ZC3H12B: variants seen among roughly 807,000 people sequenced by gnomAD.
The protein encoded by ZC3H12B is probable ribonuclease ZC3H12B.
In ZC3H12B, 7 loss-of-function variants were observed where a neutral mutation model predicts 43.9. The ratio of observed to expected loss-of-function variants is 0.16; its 90% confidence interval spans 0.09 to 0.30. The LOEUF (loss-of-function observed/expected upper bound fraction) is 0.30. ZC3H12B is among the 10% of genes least tolerant of loss of function. The pLI is 1.00. For synonymous variants in ZC3H12B, 222 were observed against 241.7 expected (o/e 0.92, Z 0.76); for missense variants, 475 against 670.2 (o/e 0.71, Z 3.22).
chrX:65,329,247 G>T, the ZC3H12B span, among the ~76,000 whole-genome samples: 2 of 111,379 alleles, frequency 1.8e-5, no homozygotes, highest in African/African-American at 6.6e-5. Flanking sequence ...CATTCTAAAT[G>T]GTGTGAAATG....
chrX:65,331,962 T>C, the ZC3H12B span, among the ~76,000 whole-genome samples: 3 of 111,434 alleles, frequency 2.7e-5, no homozygotes, highest in East Asian at 5.6e-4. Context: ...GGGTTTTAGC[T>C]GGCTTCTTTG....
At chrX:65,318,478 G>T in the ZC3H12B span, among the ~76,000 whole-genome samples, 1 of 106,091 alleles carries the variant, frequency 9.4e-6, no homozygotes, top group East Asian at 3.0e-4. Flanking sequence ...GTGGTGGTGT[G>T]ATCTCAGCTC....
chrX:65,308,524 C>G, the ZC3H12B span, among the ~76,000 whole-genome samples: 1 of 111,305 alleles, frequency 9.0e-6, no homozygotes, highest in South Asian at 3.8e-4. Flanking sequence ...CTTAGACTCC[C>G]ACACAATAAT....
the ZC3H12B span, among the ~76,000 whole-genome samples, chrX:65,154,096 G>A: frequency 1.8e-5 from 2 of 110,713 alleles, no homozygotes; most frequent in Admixed American, 9.6e-5. Flanking sequence ...GGGAGGAGGG[G>A]GCAGGGATAA....
At chrX:65,052,804 G>A in the ZC3H12B span, among the ~76,000 whole-genome samples, 1 of 111,648 alleles carries the variant, frequency 9.0e-6, no homozygotes, top group Non-Finnish European at 1.9e-5. Flanking sequence ...CTCAACAATA[G>A]AATTGCTGTT....
the ZC3H12B span, among the ~76,000 whole-genome samples, chrX:65,212,501 ATAT>A: frequency 0.011 from 793 of 70,406 alleles, 3 homozygotes; most frequent in Non-Finnish European, 0.017. Context: ...TATAATATAC[ATAT>A]TATATACAAT....
At chrX:65,240,971 G>A in the ZC3H12B span, among the ~76,000 whole-genome samples, 2 of 111,489 alleles carry the variant, frequency 1.8e-5, no homozygotes, top group African/African-American at 6.5e-5. Flanking sequence ...TTGCCCAGAC[G>A]CTCCTGTAGG....
chrX:65,298,088 A>G, the ZC3H12B span, among the ~76,000 whole-genome samples: 60 of 112,367 alleles, frequency 5.3e-4, no homozygotes, highest in Non-Finnish European at 9.0e-4. Context: ...ACATTGGCTT[A>G]GGCAAAGACT....
At chrX:65,147,021 G>A in the ZC3H12B span, among the ~76,000 whole-genome samples, 6 of 111,902 alleles carry the variant, frequency 5.4e-5, no homozygotes, top group South Asian at 3.7e-4. Flanking sequence ...ATCTAGTCCT[G>A]TCTCTCATCC....
At chrX:65,245,796 G>A in the ZC3H12B span, among the ~76,000 whole-genome samples, 1 of 111,119 alleles carries the variant, frequency 9.0e-6, no homozygotes, top group East Asian at 2.8e-4. Context: ...AGACAATGAT[G>A]CCTTCTCTCA....
At chrX:65,282,389 T>C in the ZC3H12B span, among the ~76,000 whole-genome samples, 1 of 112,149 alleles carries the variant, frequency 8.9e-6, no homozygotes, top group East Asian at 2.8e-4. Context: ...TTTTCCGTTA[T>C]GTCACTTGAA....
At chrX:65,325,171 A>T in the ZC3H12B span, among the ~76,000 whole-genome samples, 6 of 110,893 alleles carry the variant, frequency 5.4e-5, no homozygotes, top group Non-Finnish European at 9.5e-5. Context: ...TTCACTCTAC[A>T]TGCATCCTAA....
the ZC3H12B span, among the ~76,000 whole-genome samples, chrX:65,230,984 A>G: frequency 1.8e-5 from 2 of 112,305 alleles, no homozygotes; most frequent in South Asian, 3.6e-4. Flanking sequence ...ACAATTTGTT[A>G]AAAGGTAAGC....
At chrX:65,311,246 C>A in the ZC3H12B span, among the ~76,000 whole-genome samples, 3 of 111,566 alleles carry the variant, frequency 2.7e-5, no homozygotes, top group African/African-American at 9.8e-5. Context: ...CAATCCACCC[C>A]TCTGACAAAG....
At chrX:65,103,195 C>G in the ZC3H12B span, among the ~76,000 whole-genome samples, 1 of 111,129 alleles carries the variant, frequency 9.0e-6, no homozygotes, top group Non-Finnish European at 1.9e-5. Flanking sequence ...ACAGACATTC[C>G]CAGAGTGGCC....
the ZC3H12B span, among the ~76,000 whole-genome samples, chrX:65,162,054 G>A: frequency 9.0e-6 from 1 of 111,338 alleles, no homozygotes; most frequent in Non-Finnish European, 1.9e-5. Flanking sequence ...ATGAAATTCT[G>A]GGTTGAAAAT....
the ZC3H12B span, among the ~76,000 whole-genome samples, chrX:65,126,087 T>C: frequency 9.2e-6 from 1 of 108,992 alleles, no homozygotes; most frequent in African/African-American, 3.3e-5. Flanking sequence ...AAGGAGGTTC[T>C]GTTTTGGTAT....
At chrX:65,330,570 A>G in the ZC3H12B span, among the ~76,000 whole-genome samples, 66 of 111,512 alleles carry the variant, frequency 5.9e-4, no homozygotes, top group African/African-American at 2.1e-3. Flanking sequence ...TTATTTTGAG[A>G]TATGTCCCAT....
chrX:65,144,856 T>A, the ZC3H12B span, among the ~76,000 whole-genome samples: 1 of 111,871 alleles, frequency 8.9e-6, no homozygotes, highest in African/African-American at 3.2e-5. Flanking sequence ...TTTGATTTTC[T>A]TAAGTGTATT....
Sources: allele counts gnomAD v4.1 joint callset (sites outside exome capture counted in the v4.1 genomes callset), GRCh38; gene constraint gnomAD v4.1.1; transcripts MANE v1.5; gene names NCBI Gene and HGNC (gene_info 2026-07-23, HGNC 2026-07-21).